The following NUP54 variants were observed in gnomAD, a reference collection of about 807,000 sequenced individuals.
NUP54 encodes the protein nucleoporin p54.
In NUP54, 27 loss-of-function variants were observed where a neutral mutation model predicts 66.4. The ratio of observed to expected loss-of-function variants is 0.41; its 90% CI spans 0.30 to 0.56. NUP54 has a LOEUF of 0.56. NUP54 is among the 20% of genes least tolerant of loss of function. NUP54 has a pLI of 0.34. For missense variants in NUP54, 486 were observed against 596.3 expected (o/e 0.82, Z 1.93); for synonymous variants, 206 against 210.7 (o/e 0.98, Z 0.19).
chr4:76,132,218 G>A (rs1329049260), intron 6 of NUP54: 3 of 183,562 alleles, frequency 1.6e-5, no homozygotes, highest in East Asian at 1.4e-4. Context: ...CAGTTAAAAT[G>A]AGATAAGCTA....
intron 3 of NUP54, among the ~76,000 whole-genome samples, chr4:76,142,891 A>C (rs1486460460): frequency 6.6e-6 from 1 of 152,234 alleles, no homozygotes; most frequent in Admixed American, 6.5e-5. Context: ...AGAATGCTAG[A>C]TAACCAACTC....
At chr4:76,127,388 C>T (rs1406341194) in intron 8 of NUP54, among the ~76,000 whole-genome samples, 2 of 141,962 alleles carry the variant, frequency 1.4e-5, no homozygotes, top group African/African-American at 2.7e-5. Flanking sequence ...GCCGAGATTG[C>T]GCCACTGCAC....
chr4:76,119,405 C>T (rs1028326448), intron 9 of NUP54, among the ~76,000 whole-genome samples: 4 of 152,030 alleles, frequency 2.6e-5, no homozygotes, highest in African/African-American at 7.2e-5. Flanking sequence ...TTTTCTGAGA[C>T]GACCTTGCTT....
chr4:76,133,548 C>A (rs1730906980), intron 5 of NUP54, among the ~76,000 whole-genome samples: 1 of 152,092 alleles, frequency 6.6e-6, no homozygotes, highest in Non-Finnish European at 1.5e-5. Flanking sequence ...ACCTCATGAT[C>A]CGCCCGTCTC....
intron 8 of NUP54, among the ~76,000 whole-genome samples, chr4:76,127,345 T>G (rs567224762): frequency 1.8e-4 from 26 of 143,464 alleles, no homozygotes; most frequent in Admixed American, 3.8e-4. Context: ...GGCAGAACAA[T>G]GGCGTGAACC....
chr4:76,125,882 G>A (rs889932064), intron 8 of NUP54, among the ~76,000 whole-genome samples: 2 of 149,816 alleles, frequency 1.3e-5, no homozygotes, highest in African/African-American at 4.9e-5. Context: ...GAGAGACAGA[G>A]AGAGAGGGAG....
chr4:76,123,137 C>T (rs1056552254), intron 9 of NUP54, among the ~76,000 whole-genome samples: 1 of 152,070 alleles, frequency 6.6e-6, no homozygotes, highest in Non-Finnish European at 1.5e-5. Context: ...GTGGTAATAA[C>T]GGTTATACAA....
chr4:76,125,685 AGG>A (rs1560679072), intron 8 of NUP54, among the ~76,000 whole-genome samples: 2 of 21,598 alleles, frequency 9.3e-5, no homozygotes, highest in Non-Finnish European at 1.7e-4. Context: ...AGAGAGGGAG[AGG>A]GAGAGAGGGA....
At chr4:76,145,317 CAAAAAAAAAAAA>C (rs58518890) in intron 1 of NUP54, among the ~76,000 whole-genome samples, 1 of 101,580 alleles carries the variant, frequency 9.8e-6, no homozygotes, top group African/African-American at 3.5e-5. Flanking sequence ...GACTCCGTCT[CAAAAAAAAAAAA>C]AAAAAAAAAA....
At position 76,132,658 on chromosome 4, in the gene NUP54, C is replaced by T. The variant is rs765696706; in HGVS notation, c.772G>A (p.Ala258Thr). The stretch of plus-strand genomic sequence containing the variant: ...TCAAAATGGGCATATAGCGTTGTAG[C>T]TGGAACTCTTCTTGAAGTACCATTT... ...SPNGTSRRVP[A>T]TTLYAHFEQA... Residue 258 changes from alanine to threonine, a missense_variant, in exon 6 of 12, where the codon GCT (alanine) becomes ACT (threonine). Coordinates refer to ENST00000264883, the MANE Select transcript of NUP54 (RefSeq NM_017426.4). 1 of 1,613,962 alleles carries T rather than the reference C, an allele frequency of 6.2e-7. No individual in the cohort carries two copies. The highest frequency in any genetic ancestry group is 1.1e-5 in the South Asian group (1 of 91,046).
Position 76,144,424 on chromosome 4 carries a change from G to A in NUP54, c.117C>T (p.Phe39=). The A allele has an allele frequency of 6.2e-7, 1 of 1,609,380 alleles. No homozygotes were observed. Among genetic ancestry groups the A allele is most frequent in the South Asian group, 1.1e-5 (1 of 89,288 alleles). The change falls in exon 2 of 12, where the codon TTC becomes TTT. Residue 39 remains phenylalanine (F), a synonymous_variant. Transcript: ENST00000264883. The part of the protein sequence containing the change: ...GTTSTTAGSA[F]SFSAPTNTGT... ...CTGTGTTAGTTGGGGCAGAAAAGCT[G>A]AATGCAGAACCTGCAGTTGTAGATG...
intron 9 of NUP54, 84 bp from the exon 10 acceptor site, chr4:76,118,278 G>GA: frequency 8.1e-7 from 1 of 1,241,900 alleles, no homozygotes; most frequent in South Asian, 1.3e-5. Context: ...GTTACTGAAA[G>GA]AAATCAGCTG....
intron 3 of NUP54, among the ~76,000 whole-genome samples, chr4:76,141,562 T>C (rs538214777): frequency 1.8e-4 from 27 of 152,250 alleles, no homozygotes; most frequent in African/African-American, 6.5e-4. Context: ...TTCTACAAGT[T>C]AAATCTCTCT....
chr4:76,135,233 T>C (rs1578686400), intron 4 of NUP54, among the ~76,000 whole-genome samples: 1 of 152,192 alleles, frequency 6.6e-6, no homozygotes, highest in East Asian at 1.9e-4. Context: ...TTTTTACATA[T>C]TAATATGACC....
chr4:76,145,051 G>A (rs1731426658), intron 1 of NUP54, among the ~76,000 whole-genome samples: 1 of 152,128 alleles, frequency 6.6e-6, no homozygotes, highest in Admixed American at 6.5e-5. Context: ...GGGCGCGGTG[G>A]CTCATGCCTG....
At chr4:76,133,047 G>T (rs113581943) in intron 5 of NUP54, among the ~76,000 whole-genome samples, 12 of 111,654 alleles carry the variant, frequency 1.1e-4, no homozygotes, top group African/African-American at 5.4e-4. Flanking sequence ...AAATATATAT[G>T]ATATATATAT....
intron 1 of NUP54, 143 bp from the exon 2 acceptor site, chr4:76,144,616 T>C: frequency 1.6e-6 from 1 of 618,094 alleles, no homozygotes; most frequent in East Asian, 3.0e-5. Context: ...TCAAGATCAA[T>C]TTTTTAAAAA....
At chr4:76,135,874 T>C (rs1390430406) in intron 4 of NUP54, among the ~76,000 whole-genome samples, 1 of 152,214 alleles carries the variant, frequency 6.6e-6, no homozygotes, top group Non-Finnish European at 1.5e-5. Context: ...GTTAAATGAA[T>C]ACCACTAAAT....
chr4:76,133,064 ATT>A (rs1403734110), intron 5 of NUP54, among the ~76,000 whole-genome samples: 20 of 106,918 alleles, frequency 1.9e-4, no homozygotes, highest in African/African-American at 1.0e-3. Context: ...ATATATATAT[ATT>A]TTTAAATTTT....
Sources: gnomAD v4.1 joint callset for allele counts (sites outside exome capture counted in the v4.1 genomes callset) on GRCh38, gnomAD v4.1.1 for gene constraint, MANE v1.5 for transcripts, NCBI Gene and HGNC (gene_info 2026-07-23, HGNC 2026-07-21) for gene names.